CD22: variants seen among roughly 807,000 people sequenced by gnomAD.
The protein encoded by CD22 is B-cell receptor CD22.
CD22 carries 51 observed loss-of-function variants against 94.7 expected under a neutral mutation model. That is an observed-to-expected ratio of 0.54 (90% confidence interval 0.43 to 0.68). The LOEUF is 0.68. Ranked by LOEUF, CD22 falls within the 30% of genes least tolerant of loss-of-function variation. The pLI, the probability that CD22 is intolerant of heterozygous loss-of-function variation, is 0.00. For synonymous variants in CD22, 424 were observed against 422.5 expected (o/e 1.00, Z -0.04); for missense variants, 931 against 1,060.4 (o/e 0.88, Z 1.69).
chr19:35,341,787 C>G lies in CD22; in HGVS notation c.1857C>G (p.Asp619Glu), dbSNP rs375562226. Residue 619 changes from aspartate to glutamate, a missense_variant, in exon 9 of 14, where the codon GAC (aspartate) becomes GAG (glutamate). By Grantham distance (45) the Asp-to-Glu change is conservative (BLOSUM62 2). Transcript: ENST00000085219. The surrounding 1 kb of genome is among the most constrained non-coding windows in gnomAD (Gnocchi z 4.0). ...GKSATLTCESDANPPVSHYTW... is the reference protein window; with the variant it reads ...GKSATLTCESEANPPVSHYTW... ...GTGCAACCCTGACCTGTGAGAGCGA[C>G]GCCAACCCTCCCGTCTCCCACTACA... 6 of 1,613,280 alleles carry G rather than the reference C, an allele frequency of 3.7e-6. No individual in the cohort carries two copies. The East Asian group carries it at 6.7e-5, about 18-fold the overall frequency.
At chr19:35,344,255 A>T (rs963438545) in intron 9 of CD22, among the ~76,000 whole-genome samples, 1 of 152,222 alleles carries the variant, frequency 6.6e-6, no homozygotes, top group Admixed American at 6.5e-5. Context: ...CCAAAGGAAA[A>T]CATCTGAAAC....
At chr19:35,339,959 A>G (rs1433832132) in intron 6 of CD22, among the ~76,000 whole-genome samples, 1 of 152,182 alleles carries the variant, frequency 6.6e-6, no homozygotes, top group Non-Finnish European at 1.5e-5. Context: ...GAAATTTTTA[A>G]TGAGAACTGG....
rs12984498 is a variant in CD22 at position 35,343,751 on chromosome 19, T to A, written c.2036-1078T>A. ...TCTCTACAAAAAATACCAAAAAAAA[T>A]TTTAAAAACGAACAAACAAAACAAT... On this transcript the variant is annotated intron_variant, in intron 9 of 13. Transcript: ENST00000085219. Among the ~76,000 whole-genome samples, 11 of 149,986 alleles carry A rather than the reference T, an allele frequency of 7.3e-5. No homozygotes were observed. The South Asian group carries it at 1.3e-3, about 17-fold the overall frequency.
At chr19:35,340,795 CAGGTAGCGGGAGAAG>C in intron 6 of CD22, 71 bp from the exon 7 acceptor site, 3 of 1,472,340 alleles carry the variant, frequency 2.0e-6, no homozygotes, top group Non-Finnish European at 2.8e-6. Context: ...ATGCCCGGGA[CAGGTAGCGGGAGAAG>C]AGGAAGCAGG....
At chr19:35,342,032 T>C in intron 9 of CD22, 67 bp downstream of exon 9, 1 of 1,120,658 alleles carries the variant, frequency 8.9e-7, no homozygotes. Flanking sequence ...CTTCCTTCCT[T>C]CCTTCCTTCC....
Position 35,340,478 on chromosome 19 carries a change from T to G in CD22, c.1250-403T>G, listed in dbSNP as rs181254808. On this transcript the variant is annotated intron_variant, in intron 6 of 13. Coordinates refer to ENST00000085219, the MANE Select transcript of CD22 (RefSeq NM_001771.4). Reference sequence around the variant, plus strand: ...TTAAAATTTTTAGTAGAGACAGGGTTTTGCTGTGTTGGCCAGGTCTCGAAC... The same window carrying G: ...TTAAAATTTTTAGTAGAGACAGGGTGTTGCTGTGTTGGCCAGGTCTCGAAC... Among the ~76,000 whole-genome samples the G allele has an allele frequency of 2.0e-3, 299 of 152,196 alleles. 1 individual carries two copies. The highest frequency in any genetic ancestry group is 6.9e-3 in the African/African-American group (285 of 41,534).
rs929229446 is a variant in CD22 at position 35,337,442 on chromosome 19, G to C, written c.719-313G>C. Among the ~76,000 whole-genome samples, 3 of 152,118 alleles carry C rather than the reference G, an allele frequency of 2.0e-5. No individual in the cohort carries two copies. The highest frequency in any genetic ancestry group is 7.2e-5 in the African/African-American group (3 of 41,424). ...CATGGTAGGACAGGAGGCAGGAGAT[G>C]GAGCAGGACTCTGGATCCCGAGGGC... On this transcript the variant is annotated intron_variant, in intron 4 of 13. Transcript: ENST00000085219. This position sits in a 1 kb window ranked among gnomAD's most constrained non-coding sequence, Gnocchi z 4.4.
At position 35,341,176 on chromosome 19, in the gene CD22, G is replaced by A; in HGVS notation, c.1507+38G>A. 1 of 1,612,158 alleles carries A rather than the reference G, an allele frequency of 6.2e-7. No individual in the cohort carries two copies. The highest frequency in any genetic ancestry group is 8.5e-7 in the Non-Finnish European group (1 of 1,178,416). The stretch of plus-strand genomic sequence containing the variant: ...GCTAGGCAGGGGGATCTGGGAGGTG[G>A]CCCGGCTGGGATGAGGGGATGAAGG... On this transcript the variant is annotated intron_variant, in intron 7 of 13. Transcript: ENST00000085219. The surrounding 1 kb of genome is among the most constrained non-coding windows in gnomAD (Gnocchi z 4.0).
intron 9 of CD22, among the ~76,000 whole-genome samples, chr19:35,343,943 A>G (rs2066858336): frequency 6.6e-6 from 1 of 152,112 alleles, no homozygotes; most frequent in South Asian, 2.1e-4. Context: ...GTGGGTGGCC[A>G]CAAGCACTTT....
rs901524529 is a variant in CD22, at chr19:35,344,921, C to T, written c.2128C>T (p.Arg710Ter). 4.3e-6 allele frequency: 7 copies of T among 1,612,654 alleles called. No homozygotes were observed. Among genetic ancestry groups the T allele is most frequent in the Non-Finnish European group, 5.1e-6 (6 of 1,178,794 alleles). The stretch of plus-strand genomic sequence containing the variant: ...GGCAATCTGTGGGCTCAAGCTCCAG[C>T]GACGGTGAGCTCCTGCCATCCCCCA... Reference protein sequence around the residue: ...ILAICGLKLQRRWKRTQSQQG... With the variant: ...ILAICGLKLQ The change falls in exon 10 of 14, where the codon CGA becomes TGA. Residue 710 changes from arginine to a stop codon, truncating the protein, a stop_gained. Coordinates refer to ENST00000085219, the MANE Select transcript of CD22 (RefSeq NM_001771.4). LOFTEE classifies it high-confidence loss of function.
In CD22 at chr19:35,341,602, G is replaced by A. The variant is rs2066809541; in HGVS notation, c.1767G>A (p.Val589=). ...CGTCCAAGGCCTGGACACTTGAAGTGCTGTGTGAGTGAGGGCCGGAGGCTG... is the reference window on the plus strand; with the variant it reads ...CGTCCAAGGCCTGGACACTTGAAGTACTGTGTGAGTGAGGGCCGGAGGCTG... The part of the protein sequence containing the change: ...QTASKAWTLE[V]LYAPRRLRVS... Residue 589 remains valine, a synonymous_variant, in exon 8 of 14, where the codon GTG becomes GTA. Coordinates refer to ENST00000085219, the MANE Select transcript of CD22 (RefSeq NM_001771.4). The surrounding 1 kb of genome is among the most constrained non-coding windows in gnomAD (Gnocchi z 4.0). 1.9e-6 allele frequency: 3 copies of A among 1,610,248 alleles called. No individual in the cohort carries two copies. Among genetic ancestry groups the A allele is most frequent in the Non-Finnish European group, 2.5e-6 (3 of 1,176,876 alleles).
Position 35,341,186 on chromosome 19 carries a change from G to A in CD22, c.1507+48G>A. 1 of 1,611,228 alleles carries A rather than the reference G, an allele frequency of 6.2e-7. No individual in the cohort carries two copies. Among genetic ancestry groups the A allele is most frequent in the Non-Finnish European group, 8.5e-7 (1 of 1,177,766 alleles). ...GGGATCTGGGAGGTGGCCCGGCTGGGATGAGGGGATGAAGGCAACGAGGCC... is the reference window on the plus strand; with the variant it reads ...GGGATCTGGGAGGTGGCCCGGCTGGAATGAGGGGATGAAGGCAACGAGGCC... On this transcript the variant is annotated intron_variant, in intron 7 of 13. Transcript: ENST00000085219. The surrounding 1 kb of genome is among the most constrained non-coding windows in gnomAD (Gnocchi z 4.0).
chr19:35,343,000 T>C (rs555341750), intron 9 of CD22, among the ~76,000 whole-genome samples: 1,762 of 152,008 alleles, frequency 0.012, 14 homozygotes, highest in Non-Finnish European at 0.019. Context: ...TTAGTAGAGA[T>C]GTGGTTTCAC....
chr19:35,331,612 G>T, intron 1 of CD22: 1 of 189,160 alleles, frequency 5.3e-6, no homozygotes, highest in South Asian at 9.1e-5. Context: ...ACTTTGGGAG[G>T]CCAAGGCTGG....
intron 2 of CD22, 156 bp downstream of exon 2, chr19:35,332,230 A>G: frequency 1.3e-6 from 1 of 750,302 alleles, no homozygotes; most frequent in Non-Finnish European, 2.2e-6. Flanking sequence ...TGTTTCCCAT[A>G]TATACATACA....
intron 3 of CD22, among the ~76,000 whole-genome samples, chr19:35,334,297 T>A (rs2066687125): frequency 6.6e-6 from 1 of 151,700 alleles, no homozygotes; most frequent in East Asian, 1.9e-4. Context: ...TGCCAGGGAG[T>A]CAGGATGTAA....
chr19:35,344,999 GCCTCCAGCCTGTGGAGTCCCTGAC>G, intron 10 of CD22, 28 bp from the exon 11 acceptor site: 1 of 1,603,172 alleles, frequency 6.2e-7, no homozygotes, highest in Non-Finnish European at 8.5e-7. Flanking sequence ...CCATCTCGAA[GCCTCCAGCCTGTGGAGTCCCTGAC>G]CCTCACACAT....
rs1048711130 is a variant in CD22 at position 35,337,456 on chromosome 19, GATCCCGA to G, written c.719-298_719-292del. Among the ~76,000 whole-genome samples the G allele has an allele frequency of 5.3e-5, 8 of 152,150 alleles. No individual in the cohort carries two copies. The highest frequency in any genetic ancestry group is 1.9e-4 in the African/African-American group (8 of 41,438). ...AGGCAGGAGATGGAGCAGGACTCTG[GATCCCGA>G]GGGCTGAGGTGAGGGTTTGGGATTC... On this transcript the variant is annotated intron_variant, in intron 4 of 13. Coordinates refer to ENST00000085219, the MANE Select transcript of CD22 (RefSeq NM_001771.4). The surrounding 1 kb of genome is among the most constrained non-coding windows in gnomAD (Gnocchi z 4.4).
At chr19:35,346,090 G>C in intron 12 of CD22, 61 bp from the exon 13 acceptor site, 1 of 1,303,140 alleles carries the variant, frequency 7.7e-7, no homozygotes, top group South Asian at 1.2e-5. Context: ...TGGGTGTTGA[G>C]AGGGAGGAGA....
Sources: allele counts gnomAD v4.1 joint callset (sites outside exome capture counted in the v4.1 genomes callset), GRCh38; gene constraint gnomAD v4.1.1; non-coding constraint Gnocchi (gnomAD v3.1); transcripts MANE v1.5; gene names NCBI Gene and HGNC (gene_info 2026-07-23, HGNC 2026-07-21).